The following CATSPERE variants were observed in gnomAD, a reference collection of about 807,000 sequenced individuals.
The protein encoded by CATSPERE is catsper channel auxiliary subunit epsilon, also known as cation channel sperm-associated auxiliary subunit epsilon.
In CATSPERE, 93 loss-of-function variants were observed where a neutral mutation model predicts 114.1. The ratio of observed to expected loss-of-function variants is 0.81; its 90% CI spans 0.69 to 0.97. CATSPERE has a LOEUF of 0.97. Among genes scored for constraint, CATSPERE ranks in the 50% least tolerant of loss-of-function variants. The pLI is 0.00. For synonymous variants in CATSPERE, 341 were observed against 384.1 expected (o/e 0.89, Z 1.31); for missense variants, 1,058 against 1,131.6 (o/e 0.93, Z 0.93).
chr1:244,617,327 C>T (rs1403812415), intron 19 of CATSPERE, among the ~76,000 whole-genome samples: 2 of 152,132 alleles, frequency 1.3e-5, no homozygotes, highest in Admixed American at 6.5e-5. Context: ...GTAAATACAA[C>T]ATTTGCTTTC....
chr1:244,548,091 T>G (rs1008233254), intron 8 of CATSPERE, among the ~76,000 whole-genome samples: 2 of 152,152 alleles, frequency 1.3e-5, no homozygotes, highest in African/African-American at 4.8e-5. Flanking sequence ...GATAAACCTT[T>G]CTGAATGTGC....
intron 20 of CATSPERE, among the ~76,000 whole-genome samples, chr1:244,619,232 C>T (rs1006945273): frequency 6.6e-6 from 1 of 152,100 alleles, no homozygotes; most frequent in African/African-American, 2.4e-5. Context: ...CATAAGTTAG[C>T]TGACTGATTA....
chr1:244,492,106 C>T (rs1391196973), intron 6 of CATSPERE, among the ~76,000 whole-genome samples: 6 of 152,176 alleles, frequency 3.9e-5, no homozygotes, highest in African/African-American at 1.4e-4. Context: ...AGGCCAGCAT[C>T]ATCCTGATAC....
intron 8 of CATSPERE, 65 bp from the exon 9 acceptor site, chr1:244,552,256 AT>A: frequency 6.6e-7 from 1 of 1,508,016 alleles, no homozygotes; most frequent in Non-Finnish European, 8.9e-7. Context: ...GATGATAGAT[AT>A]CAACTGTACA....
chr1:244,570,750 T>A lies in CATSPERE; in HGVS notation c.1508-1580T>A, dbSNP rs145696084. Among the ~76,000 whole-genome samples, 11 of 152,238 alleles carry A rather than the reference T, an allele frequency of 7.2e-5. 1 individual carries two copies. The East Asian group carries it at 2.1e-3, about 29-fold the overall frequency. ...ATCCAGATGTATGGGATCAGAAAAC[T>A]AGGTGTGGAGGAAATGACTTCTAAA... On this transcript the variant is annotated intron_variant, in intron 10 of 21. Transcript: ENST00000366534.
At chr1:244,626,236 C>T (rs1467350547) in intron 20 of CATSPERE, among the ~76,000 whole-genome samples, 2 of 152,004 alleles carry the variant, frequency 1.3e-5, no homozygotes, top group Non-Finnish European at 2.9e-5. Flanking sequence ...CCTGTAATCC[C>T]AGCACTTTGG....
At chr1:244,638,787 A>T (rs1163862600) in intron 21 of CATSPERE, among the ~76,000 whole-genome samples, 1 of 152,192 alleles carries the variant, frequency 6.6e-6, no homozygotes, top group Non-Finnish European at 1.5e-5. Context: ...CCCACATCTT[A>T]ATAATCACCA....
In CATSPERE at chr1:244,560,794, A is replaced by G; in HGVS notation, c.1156A>G (p.Thr386Ala). The G allele has an allele frequency of 6.2e-7, 1 of 1,614,026 alleles. No individual in the cohort carries two copies. Residue 386 changes from threonine to alanine, a missense_variant, in exon 10 of 22, where the codon ACT becomes GCT. Thr to Ala is a moderately conservative substitution (Grantham distance 58, BLOSUM62 0). Coordinates refer to ENST00000366534, the MANE Select transcript of CATSPERE (RefSeq NM_001130957.2). ...GAAAAACATCCTAAGTCTATCGGTG[A>G]CTGCTACTCTGACCATAGACAGGGT... ...ELKNILSLSV[T>A]ATLTIDRVEY...
chr1:244,541,270 T>C (rs1183334793), intron 8 of CATSPERE, among the ~76,000 whole-genome samples: 2 of 150,198 alleles, frequency 1.3e-5, no homozygotes, highest in African/African-American at 4.9e-5. Context: ...GACAAAGGGC[T>C]AATATCCAGA....
chr1:244,598,146 C>T (rs944109093), intron 17 of CATSPERE, among the ~76,000 whole-genome samples: 14 of 152,144 alleles, frequency 9.2e-5, no homozygotes, highest in African/African-American at 2.9e-4. Flanking sequence ...ATGGCATTCT[C>T]GTCTTTGTGA....
chr1:244,493,938 A>G (rs570672423), intron 6 of CATSPERE, among the ~76,000 whole-genome samples: 70 of 152,356 alleles, frequency 4.6e-4, no homozygotes, highest in African/African-American at 1.5e-3. Flanking sequence ...CGATCATTAA[A>G]AAGTCAGGAA....
rs182881569 is a variant in CATSPERE at position 244,484,116 on chromosome 1, G to A, written c.326+4332G>A. Among the ~76,000 whole-genome samples the A allele has an allele frequency of 1.3e-3, 205 of 152,220 alleles. 1 individual carries two copies. Among genetic ancestry groups the A allele is most frequent in the African/African-American group, 4.7e-3 (194 of 41,554 alleles). Reference sequence around the variant, plus strand: ...ATCAATTTTCCATATATGCATGGGTGTTTCTCTGGGCTGGCTGTTCTGTTC... The same window carrying A: ...ATCAATTTTCCATATATGCATGGGTATTTCTCTGGGCTGGCTGTTCTGTTC... On this transcript the variant is annotated intron_variant, in intron 5 of 21. Coordinates refer to ENST00000366534, the MANE Select transcript of CATSPERE (RefSeq NM_001130957.2).
At position 244,621,221 on chromosome 1, in the gene CATSPERE, T is replaced by TA. The variant is rs1193509974; in HGVS notation, c.2648+3535_2648+3536insA. On this transcript the variant is annotated intron_variant, in intron 20 of 21. Coordinates refer to ENST00000366534, the MANE Select transcript of CATSPERE (RefSeq NM_001130957.2). The stretch of plus-strand genomic sequence containing the variant: ...TATATAGATATATTTATATATATAT[T>TA]TATATAAATATATTTATATAGATAT... 1.5e-3 allele frequency among the ~76,000 whole-genome samples: 102 copies of TA among 69,092 alleles called. 5 individuals carry two copies. Among genetic ancestry groups the TA allele is most frequent in the African/African-American group, 5.0e-3 (71 of 14,238 alleles). 45.3% of individuals were successfully genotyped at this position (69,092 alleles called of 152,430 possible). A position where few individuals can be genotyped will look rare whatever the true frequency, so the allele number is the denominator to read the frequency against.
intron 17 of CATSPERE, among the ~76,000 whole-genome samples, chr1:244,594,779 C>T (rs1668170097): frequency 6.6e-6 from 1 of 152,126 alleles, no homozygotes; most frequent in South Asian, 2.1e-4. Context: ...AGAACTTTTC[C>T]CACTGGGATC....
chr1:244,611,301 A>G (rs1337586011), intron 19 of CATSPERE, among the ~76,000 whole-genome samples: 1 of 152,094 alleles, frequency 6.6e-6, no homozygotes, highest in East Asian at 1.9e-4. Context: ...TTTAAAAATC[A>G]TAAGGGGGCC....
At position 244,581,995 on chromosome 1, in the gene CATSPERE, G is replaced by T. The variant is rs568577274; in HGVS notation, c.2009+141G>T. 206 of 434,786 alleles carry T rather than the reference G, an allele frequency of 4.7e-4. 3 individuals are homozygous for T. In the South Asian group the frequency reaches 5.9e-3, roughly 12 times the overall value. 26.9% of individuals were successfully genotyped at this position (434,786 alleles called of 1,614,324 possible). ...GATTCCTTTCAATGTCTGGATAGATGTAAAATTAATATTTAGCTGTATAAA... is the reference window on the plus strand; with the variant it reads ...GATTCCTTTCAATGTCTGGATAGATTTAAAATTAATATTTAGCTGTATAAA... On this transcript the variant is annotated intron_variant, in intron 12 of 21. Coordinates refer to ENST00000366534, the MANE Select transcript of CATSPERE (RefSeq NM_001130957.2).
chr1:244,522,244 A>G lies in CATSPERE; in HGVS notation c.536+3546A>G, dbSNP rs542449434. Among the ~76,000 whole-genome samples the G allele has an allele frequency of 7.9e-4, 121 of 152,336 alleles. 1 individual carries two copies. The highest frequency in any genetic ancestry group is 2.8e-3 in the African/African-American group (117 of 41,574). ...CTGCTCCTGAATGACTACTGGGTAC[A>G]TAACAAAATGAAGGCAGAAATAAAG... On this transcript the variant is annotated intron_variant, in intron 8 of 21. Transcript: ENST00000366534.
intron 8 of CATSPERE, among the ~76,000 whole-genome samples, chr1:244,538,932 A>G (rs918197484): frequency 1.3e-5 from 2 of 151,480 alleles, no homozygotes; most frequent in Admixed American, 1.3e-4. Context: ...ACCACACCAG[A>G]GGGACTAGCC....
chr1:244,564,508 T>C (rs1663108668), intron 10 of CATSPERE, among the ~76,000 whole-genome samples: 2 of 152,204 alleles, frequency 1.3e-5, no homozygotes, highest in African/African-American at 4.8e-5. Context: ...ATGCTCTTTG[T>C]AGCAACTGTG....
Sources: allele counts gnomAD v4.1 joint callset (sites outside exome capture counted in the v4.1 genomes callset), GRCh38; gene constraint gnomAD v4.1.1; transcripts MANE v1.5; gene names NCBI Gene and HGNC (gene_info 2026-07-23, HGNC 2026-07-21).